Variants in IFTAP observed in about 807,000 individuals in gnomAD.
IFTAP encodes intraflagellar transport associated protein.
Under a neutral mutation model 19.4 loss-of-function variants are expected in IFTAP, and 19 were observed. That is an observed-to-expected ratio of 0.98 (90% CI 0.68 to 1.44). IFTAP has a LOEUF of 1.44. Among genes scored for constraint, IFTAP ranks in the 40% most tolerant of loss-of-function variants. The probability of loss-of-function intolerance (pLI) is 0.00; values close to 1 mark genes in which losing one functional copy is unlikely to be tolerated. For synonymous variants in IFTAP, 85 were observed against 83.5 expected, an observed-to-expected ratio of 1.02 and a Z score of -0.10; for missense variants, 240 against 253.6, an observed-to-expected ratio of 0.95 and a Z score of 0.36.
At chr11:36,597,465 A>G (rs896483848) in intron 1 of IFTAP, among the ~76,000 whole-genome samples, 1 of 152,232 alleles carries the variant, frequency 6.6e-6, no homozygotes, top group African/African-American at 2.4e-5. Context: ...TAAAGGACAG[A>G]AATATAGGAC....
intron 5 of IFTAP, among the ~76,000 whole-genome samples, chr11:36,654,328 A>G (rs1253321416): frequency 6.6e-6 from 1 of 151,188 alleles, no homozygotes; most frequent in African/African-American, 2.4e-5. Context: ...TCTTTATTTT[A>G]TTTTATTTTA....
In IFTAP at chr11:36,650,371, GT is replaced by G. The variant is rs561501507; in HGVS notation, c.498+2224del. 5.3e-5 allele frequency among the ~76,000 whole-genome samples: 8 copies of G among 150,796 alleles called. No individual in the cohort carries two copies. In the South Asian group the frequency reaches 6.3e-4, roughly 12 times the overall value. ...CCAACTCAATGTTTTACCTAATTTT[GT>G]TTTTTTTAATTTTTAAATTAACATA... On this transcript the variant is annotated intron_variant, in intron 5 of 5. Coordinates refer to ENST00000334307, the MANE Select transcript of IFTAP (RefSeq NM_138787.4).
intron 2 of IFTAP, among the ~76,000 whole-genome samples, chr11:36,622,242 T>C (rs1852324285): frequency 6.6e-6 from 1 of 152,046 alleles, no homozygotes; most frequent in Non-Finnish European, 1.5e-5. Context: ...GCAGATGTTA[T>C]TCTACTTTAG....
At chr11:36,633,817 A>G (rs1197457676) in intron 3 of IFTAP, among the ~76,000 whole-genome samples, 1 of 152,062 alleles carries the variant, frequency 6.6e-6, no homozygotes, top group South Asian at 2.1e-4. Flanking sequence ...CAAACTCAAG[A>G]TGGAATCGAT....
chr11:36,658,014 A>G (rs1163718712), intron 5 of IFTAP, among the ~76,000 whole-genome samples: 1 of 150,704 alleles, frequency 6.6e-6, no homozygotes, highest in Non-Finnish European at 1.5e-5. Flanking sequence ...ATAACTACTC[A>G]TTATTTTTTC....
chr11:36,626,245 G>A (rs1287767631), intron 2 of IFTAP, among the ~76,000 whole-genome samples: 1 of 151,220 alleles, frequency 6.6e-6, no homozygotes, highest in Non-Finnish European at 1.5e-5. Context: ...AGACATTTTT[G>A]GCTTTGCAGT....
chr11:36,652,000 T>G (rs1853757491), intron 5 of IFTAP, among the ~76,000 whole-genome samples: 1 of 152,220 alleles, frequency 6.6e-6, no homozygotes, highest in South Asian at 2.1e-4. Context: ...GCCTCCAGCT[T>G]TGTTCTTTGG....
At chr11:36,597,485 T>C (rs1224365970) in intron 1 of IFTAP, among the ~76,000 whole-genome samples, 1 of 152,204 alleles carries the variant, frequency 6.6e-6, no homozygotes, top group Non-Finnish European at 1.5e-5. Context: ...CCAATAAATA[T>C]ATACAATTTT....
chr11:36,597,419 G>A (rs547547865), intron 1 of IFTAP, among the ~76,000 whole-genome samples: 1 of 152,298 alleles, frequency 6.6e-6, no homozygotes, highest in East Asian at 1.9e-4. Flanking sequence ...CTTCAGCTGA[G>A]GGAGGCTTCA....
At chr11:36,598,651 A>G (rs1054689357) in intron 1 of IFTAP, among the ~76,000 whole-genome samples, 1 of 152,210 alleles carries the variant, frequency 6.6e-6, no homozygotes, top group East Asian at 1.9e-4. Context: ...TAATTATTCG[A>G]GGCCCTCTAC....
intron 2 of IFTAP, among the ~76,000 whole-genome samples, chr11:36,628,635 G>A (rs1010468061): frequency 1.3e-5 from 2 of 151,168 alleles, no homozygotes; most frequent in Admixed American, 1.3e-4. Flanking sequence ...AATGAGCTCC[G>A]TAACTCAGCC....
intron 5 of IFTAP, among the ~76,000 whole-genome samples, chr11:36,656,794 G>A (rs1287962367): frequency 6.6e-6 from 1 of 152,100 alleles, no homozygotes; most frequent in African/African-American, 2.4e-5. Flanking sequence ...GAGTGAACAA[G>A]TAAAGGTAAG....
At chr11:36,657,123 A>G (rs1565035977) in intron 5 of IFTAP, among the ~76,000 whole-genome samples, 1 of 152,144 alleles carries the variant, frequency 6.6e-6, no homozygotes, top group African/African-American at 2.4e-5. Flanking sequence ...TTCCCATCAG[A>G]CTGAATATAT....
At chr11:36,648,934 A>T (rs1206438317) in intron 5 of IFTAP, among the ~76,000 whole-genome samples, 2 of 152,142 alleles carry the variant, frequency 1.3e-5, no homozygotes, top group Non-Finnish European at 2.9e-5. Flanking sequence ...CAAATGTGCA[A>T]CTTGAAAGTC....
intron 2 of IFTAP, among the ~76,000 whole-genome samples, chr11:36,614,004 GTGCACTGCACCCACTAA>G (rs1288209853): frequency 6.6e-6 from 1 of 151,270 alleles, no homozygotes; most frequent in Non-Finnish European, 1.5e-5. Flanking sequence ...TGCCATGCTG[GTGCACTGCACCCACTAA>G]CTCCTCATCT....
chr11:36,613,819 A>G (rs753833417), intron 2 of IFTAP, among the ~76,000 whole-genome samples: 1 of 151,972 alleles, frequency 6.6e-6, no homozygotes, highest in Non-Finnish European at 1.5e-5. Context: ...GTACTGATAT[A>G]TCTCTATCTC....
rs986753959 is a variant in IFTAP at position 36,629,866 on chromosome 11, G to A, written c.137-3418G>A. Among the ~76,000 whole-genome samples, 12 of 151,124 alleles carry A rather than the reference G, an allele frequency of 7.9e-5. 1 individual carries two copies. Among genetic ancestry groups the A allele is most frequent in the African/African-American group, 2.5e-4 (10 of 40,530 alleles). ...GAAAAACCTTTAGAAAAAAACTTTC[G>A]TCTCATCTGTATTGAAGTTTTGACT... On this transcript the variant is annotated intron_variant, in intron 2 of 5. Transcript: ENST00000334307.
intron 5 of IFTAP, 186 bp downstream of exon 5, chr11:36,648,341 C>T: frequency 2.9e-6 from 2 of 701,642 alleles, no homozygotes; most frequent in Non-Finnish European, 4.5e-6. Flanking sequence ...ACACATAGAG[C>T]AATTATGTTT....
intron 1 of IFTAP, among the ~76,000 whole-genome samples, chr11:36,609,351 C>A (rs1036130812): frequency 2.6e-5 from 4 of 152,166 alleles, no homozygotes; most frequent in African/African-American, 9.7e-5. Context: ...TTTTTCAGTA[C>A]AACCTCAGGG....
Sources: gnomAD v4.1 joint callset for allele counts (sites outside exome capture counted in the v4.1 genomes callset) on GRCh38, gnomAD v4.1.1 for gene constraint, MANE v1.5 for transcripts, NCBI Gene and HGNC (gene_info 2026-07-23, HGNC 2026-07-21) for gene names.